Variants in XRN1 observed in about 807,000 individuals in gnomAD.
The protein encoded by XRN1 is strand-exchange protein 1 homolog.
Under a neutral mutation model 222.3 loss-of-function variants are expected in XRN1, and 67 were observed. The ratio of observed to expected loss-of-function variants is 0.30; its 90% confidence interval spans 0.25 to 0.37. XRN1 has a LOEUF of 0.37. Among genes scored for constraint, XRN1 ranks in the 10% least tolerant of loss-of-function variants. The probability of loss-of-function intolerance (pLI) is 1.00; values close to 1 mark genes in which losing one functional copy is unlikely to be tolerated. For missense variants in XRN1, 1,707 were observed against 2,000.2 expected (o/e 0.85, Z 2.80); for synonymous variants, 643 against 652.4 (o/e 0.99, Z 0.22).
In XRN1 at chr3:142,357,210, C is replaced by A. The variant is rs1225390039; in HGVS notation, c.3465-91G>T. ...AAATAATTTTTGGTGGACAATCCAT[C>A]ATCAGCATTAGTAAATATTACTTTT... On this transcript the variant is annotated intron_variant, in intron 30 of 40. Coordinates refer to ENST00000392981, the MANE Select transcript of XRN1 (RefSeq NM_001282857.2). 10 of 1,203,674 alleles carry A rather than the reference C, an allele frequency of 8.3e-6. No homozygotes were observed. The East Asian group carries it at 2.6e-4, about 31-fold the overall frequency. The allele number at this position is 1,203,674 out of a possible 1,614,324, so 74.6% of individuals were successfully genotyped here.
At chr3:142,389,799 C>A (rs2067648833) in intron 20 of XRN1, among the ~76,000 whole-genome samples, 2 of 152,216 alleles carry the variant, frequency 1.3e-5, no homozygotes, top group African/African-American at 2.4e-5. Flanking sequence ...GGATTACAGG[C>A]ATGTGCCACT....
At chr3:142,421,178 T>G (rs1035481990) in intron 9 of XRN1, 25 bp from the exon 10 acceptor site, 3 of 1,509,032 alleles carry the variant, frequency 2.0e-6, no homozygotes, top group Non-Finnish European at 2.7e-6. Context: ...TTAAATTTAT[T>G]TTTAAATAAT....
At chr3:142,405,136 C>T in intron 15 of XRN1, 60 bp from the exon 16 acceptor site, 11 of 1,525,446 alleles carry the variant, frequency 7.2e-6, no homozygotes, top group Non-Finnish European at 9.9e-6. Context: ...TCTCAACAAA[C>T]AGAATAAGTC....
rs116446452 is a variant in XRN1, at chr3:142,433,401, T to C, written c.76-508A>G. Among the ~76,000 whole-genome samples the C allele has an allele frequency of 9.4e-3, 1,438 of 152,282 alleles. 22 individuals carry two copies. Among genetic ancestry groups the C allele is most frequent in the African/African-American group, 0.033 (1,361 of 41,556 alleles). ...TTGGTTATATTAATTTTTAAAATGT[T>C]AGATTATGCCAAGAAATTTATGAAA... On this transcript the variant is annotated intron_variant, in intron 1 of 40. Coordinates refer to ENST00000392981, the MANE Select transcript of XRN1 (RefSeq NM_001282857.2).
chr3:142,432,251 T>TA (rs1559880931), intron 2 of XRN1, among the ~76,000 whole-genome samples: 7 of 124,584 alleles, frequency 5.6e-5, no homozygotes, highest in African/African-American at 2.2e-4. Flanking sequence ...AAAATTTATT[T>TA]TATATATATA....
chr3:142,430,389 CA>C (rs1345083188), intron 2 of XRN1, among the ~76,000 whole-genome samples: 3 of 152,088 alleles, frequency 2.0e-5, no homozygotes, highest in Non-Finnish European at 4.4e-5. Flanking sequence ...TAGTGGCTCC[CA>C]AAAACTACTT....
chr3:142,441,487 C>T (rs190494374), intron 1 of XRN1, among the ~76,000 whole-genome samples: 1 of 152,180 alleles, frequency 6.6e-6, no homozygotes, highest in Admixed American at 6.5e-5. Context: ...GTCCGAGGGA[C>T]GAGCTTGCAA....
intron 6 of XRN1, among the ~76,000 whole-genome samples, 158 bp downstream of exon 6, chr3:142,423,402 A>T (rs1383433532): frequency 6.6e-6 from 1 of 152,228 alleles, no homozygotes; most frequent in Non-Finnish European, 1.5e-5. Context: ...GAGTTGGATT[A>T]TAACAAAATT....
chr3:142,344,613 C>T (rs563302962), intron 33 of XRN1, among the ~76,000 whole-genome samples: 21 of 151,334 alleles, frequency 1.4e-4, no homozygotes, highest in African/African-American at 4.9e-4. Context: ...CAGAAATGAA[C>T]AATCAAAAAA....
intron 5 of XRN1, among the ~76,000 whole-genome samples, chr3:142,424,052 GA>G (rs1271693198): frequency 5.0e-4 from 72 of 143,502 alleles, no homozygotes; most frequent in Admixed American, 8.3e-4. Context: ...GAAAACTCAG[GA>G]AAAAAAAAAA....
intron 27 of XRN1, among the ~76,000 whole-genome samples, chr3:142,368,497 C>A (rs965699335): frequency 1.3e-5 from 2 of 152,092 alleles, no homozygotes; most frequent in Non-Finnish European, 2.9e-5. Context: ...CAGACTAAGA[C>A]GTTGTATATG....
rs1400457110 is a variant in XRN1 at position 142,417,202 on chromosome 3, A to G, written c.1374T>C (p.Cys458=). The change falls in exon 13 of 41, where the codon TGT becomes TGC. Residue 458 remains cysteine, a synonymous_variant. Transcript: ENST00000392981. ...AAATCCACTGTATTGCCTGAACATA[A>G]CATGCAGCTTGATCAGCCAGAAAGT... ...SDDFLADQAA[C]YVQAIQWILH... The G allele has an allele frequency of 1.2e-6, 2 of 1,613,656 alleles. No homozygotes were observed. The highest frequency in any genetic ancestry group is 1.7e-6 in the Non-Finnish European group (2 of 1,179,848).
At chr3:142,415,221 T>C (rs1398127777) in intron 13 of XRN1, among the ~76,000 whole-genome samples, 1 of 152,254 alleles carries the variant, frequency 6.6e-6, no homozygotes, top group East Asian at 1.9e-4. Flanking sequence ...AAATATTTTA[T>C]AAAGCTTTGA....
chr3:142,359,177 T>C (rs2066548885), intron 30 of XRN1, among the ~76,000 whole-genome samples: 1 of 152,146 alleles, frequency 6.6e-6, no homozygotes, highest in African/African-American at 2.4e-5. Flanking sequence ...CCCAAAACAC[T>C]TGTCTTATCT....
intron 39 of XRN1, among the ~76,000 whole-genome samples, chr3:142,317,260 CTT>C (rs2065237128): frequency 6.6e-6 from 1 of 151,922 alleles, no homozygotes; most frequent in African/African-American, 2.4e-5. Flanking sequence ...TTTTTTGACA[CTT>C]ACCTCCTTTC....
At chr3:142,329,660 A>G (rs778217474) in intron 36 of XRN1, 45 bp from the exon 37 acceptor site, 1 of 1,495,504 alleles carries the variant, frequency 6.7e-7, no homozygotes. Flanking sequence ...ATAAAATACT[A>G]TCTCAAATTA....
At chr3:142,319,395 A>G (rs2065289155) in intron 37 of XRN1, among the ~76,000 whole-genome samples, 1 of 152,210 alleles carries the variant, frequency 6.6e-6, no homozygotes, top group Non-Finnish European at 1.5e-5. Context: ...TTTTGGTAAG[A>G]TAAGTTAATT....
At chr3:142,390,319 GA>G (rs2067669102) in intron 20 of XRN1, among the ~76,000 whole-genome samples, 1 of 152,182 alleles carries the variant, frequency 6.6e-6, no homozygotes, top group South Asian at 2.1e-4. Context: ...TATTCCAATA[GA>G]AGGCTGTTTT....
intron 13 of XRN1, among the ~76,000 whole-genome samples, chr3:142,415,429 T>A (rs961203888): frequency 6.6e-6 from 1 of 152,236 alleles, no homozygotes; most frequent in African/African-American, 2.4e-5. Context: ...CTTGGGTGTA[T>A]AATCTTTAGG....
Sources: gnomAD v4.1 joint callset for allele counts (sites outside exome capture counted in the v4.1 genomes callset) on GRCh38, gnomAD v4.1.1 for gene constraint, MANE v1.5 for transcripts, NCBI Gene and HGNC (gene_info 2026-07-23, HGNC 2026-07-21) for gene names.